ROBO1: variants seen among roughly 807,000 people sequenced by gnomAD.
ROBO1 encodes the protein roundabout guidance receptor 1.
In ROBO1, 149 loss-of-function variants were observed where a neutral mutation model predicts 195.9. The observed-to-expected ratio is 0.76, with a 90% CI of 0.67 to 0.87. ROBO1 has a LOEUF of 0.87. Ranked by LOEUF, ROBO1 falls within the 40% of genes least tolerant of loss-of-function variation. The pLI is 0.00. For missense variants in ROBO1, 1,933 were observed against 2,068.3 expected, an observed-to-expected ratio of 0.93 and a Z score of 1.27; for synonymous variants, 816 against 733.2, an observed-to-expected ratio of 1.11 and a Z score of -1.82.
At chr3:79,109,197 TG>T (rs553221451) in intron 3 of ROBO1, among the ~76,000 whole-genome samples, 1,593 of 151,900 alleles carry the variant, frequency 0.01, 13 homozygotes, top group Non-Finnish European at 0.018. Context: ...CTGTGTCAAT[TG>T]GGGGTACTTA....
At chr3:79,145,360 TACACACACACATACACACAC>T (rs1411031191) in intron 2 of ROBO1, among the ~76,000 whole-genome samples, 1 of 22,102 alleles carries the variant, frequency 4.5e-5, no homozygotes, top group Non-Finnish European at 8.9e-5. Context: ...ATGCCAGAAA[TACACACACACATACACACAC>T]ACACACACAC....
chr3:79,178,407 T>C (rs1027945986), intron 2 of ROBO1, among the ~76,000 whole-genome samples: 4 of 152,176 alleles, frequency 2.6e-5, no homozygotes, highest in African/African-American at 9.6e-5. Context: ...CATAAGGAAA[T>C]AGGAATTAGT....
intron 4 of ROBO1, among the ~76,000 whole-genome samples, chr3:78,799,897 A>T (rs775602333): frequency 2.5e-4 from 38 of 152,088 alleles, no homozygotes; most frequent in Non-Finnish European, 4.3e-4. Context: ...CTGCTCAAGG[A>T]TTCACCCTTA....
At chr3:78,766,971 C>T (rs2083244863) in intron 4 of ROBO1, among the ~76,000 whole-genome samples, 1 of 152,144 alleles carries the variant, frequency 6.6e-6, no homozygotes, top group East Asian at 1.9e-4. Context: ...ATGAAACCCA[C>T]TTGATCATGG....
intron 3 of ROBO1, among the ~76,000 whole-genome samples, chr3:78,974,492 C>T (rs1189211953): frequency 2.6e-5 from 4 of 151,974 alleles, no homozygotes; most frequent in African/African-American, 7.2e-5. Context: ...GATAGTTTTA[C>T]GAAATGCCAC....
At chr3:79,691,713 T>C (rs1197060221) in intron 1 of ROBO1, among the ~76,000 whole-genome samples, 4 of 151,958 alleles carry the variant, frequency 2.6e-5, no homozygotes, top group African/African-American at 9.7e-5. Flanking sequence ...ATAAGCTTGT[T>C]AGCAAGTTCT....
chr3:79,474,690 CA>C (rs1355081727), intron 2 of ROBO1, among the ~76,000 whole-genome samples: 2 of 152,002 alleles, frequency 1.3e-5, no homozygotes, highest in Non-Finnish European at 2.9e-5. Context: ...AAAAAAGAAA[CA>C]ATTTGTGGTA....
intron 3 of ROBO1, among the ~76,000 whole-genome samples, chr3:79,101,949 C>T (rs895340075): frequency 6.6e-6 from 1 of 151,798 alleles, no homozygotes; most frequent in Admixed American, 6.6e-5. Context: ...TCAGCTCACA[C>T]AGTTTTCATT....
chr3:79,256,688 T>G (rs897867268), intron 2 of ROBO1, among the ~76,000 whole-genome samples: 1 of 152,156 alleles, frequency 6.6e-6, no homozygotes, highest in Non-Finnish European at 1.5e-5. Context: ...TTTAAAGTTA[T>G]GAAGTACTTT....
At chr3:79,116,620 C>A (rs533923010) in intron 3 of ROBO1, among the ~76,000 whole-genome samples, 5 of 150,822 alleles carry the variant, frequency 3.3e-5, no homozygotes, top group African/African-American at 1.2e-4. Context: ...TGGGTTCAAG[C>A]GATTCCCCTG....
intron 4 of ROBO1, among the ~76,000 whole-genome samples, chr3:78,777,352 CAA>C (rs1464790938): frequency 6.6e-6 from 1 of 152,098 alleles, no homozygotes; most frequent in Non-Finnish European, 1.5e-5. Flanking sequence ...GATTTTGAAA[CAA>C]GAGACAAAAG....
chr3:79,656,589 A>T (rs1268540383), intron 1 of ROBO1, among the ~76,000 whole-genome samples: 2 of 151,882 alleles, frequency 1.3e-5, no homozygotes, highest in African/African-American at 2.4e-5. Flanking sequence ...GCCTTTGTTG[A>T]AAAGAAAGAA....
chr3:78,658,793 A>C (rs1219767511), intron 17 of ROBO1, among the ~76,000 whole-genome samples: 1 of 152,216 alleles, frequency 6.6e-6, no homozygotes, highest in Non-Finnish European at 1.5e-5. Context: ...ACCCTATACC[A>C]GGAGCTGACC....
At chr3:78,782,491 C>A (rs769592924) in intron 4 of ROBO1, among the ~76,000 whole-genome samples, 35 of 152,126 alleles carry the variant, frequency 2.3e-4, no homozygotes, top group Admixed American at 1.2e-3. Flanking sequence ...GCTACTGTGC[C>A]TGGCCCATAA....
chr3:79,498,114 T>TA (rs1489814595), intron 2 of ROBO1, among the ~76,000 whole-genome samples: 1 of 152,224 alleles, frequency 6.6e-6, no homozygotes, highest in African/African-American at 2.4e-5. Flanking sequence ...GAAAAGCTTT[T>TA]ACTATCAACA....
At chr3:79,551,980 TAAAAA>T (rs771824432) in intron 2 of ROBO1, among the ~76,000 whole-genome samples, 803 of 44,286 alleles carry the variant, frequency 0.018, 15 homozygotes, top group African/African-American at 0.068. Flanking sequence ...TCTACAGAGT[TAAAAA>T]AAAAAAAAAA....
At chr3:78,825,298 G>A (rs1344542289) in intron 4 of ROBO1, among the ~76,000 whole-genome samples, 1 of 152,068 alleles carries the variant, frequency 6.6e-6, no homozygotes, top group Non-Finnish European at 1.5e-5. Context: ...ATAACAAAAC[G>A]GTCTCTGGCC....
intron 3 of ROBO1, among the ~76,000 whole-genome samples, chr3:79,063,510 CAAA>C (rs11441603): frequency 7.3e-6 from 1 of 136,488 alleles, no homozygotes; most frequent in African/African-American, 2.7e-5. Context: ...TTTCTCATTC[CAAA>C]AAAAAAAAAA....
At chr3:79,254,808 T>C (rs1272932948) in intron 2 of ROBO1, among the ~76,000 whole-genome samples, 1 of 152,164 alleles carries the variant, frequency 6.6e-6, no homozygotes, top group Non-Finnish European at 1.5e-5. Context: ...ACCAAGACTG[T>C]AGTATGTTTT....
Sources: gnomAD v4.1 joint callset for allele counts (sites outside exome capture counted in the v4.1 genomes callset) on GRCh38, gnomAD v4.1.1 for gene constraint, MANE v1.5 for transcripts, NCBI Gene and HGNC (gene_info 2026-07-23, HGNC 2026-07-21) for gene names.